Variants in SORCS1 observed in about 807,000 individuals in gnomAD.
SORCS1 encodes VPS10 domain-containing receptor SorCS1.
A neutral mutation model predicts 146.1 loss-of-function variants in SORCS1; 60 were observed. The ratio of observed to expected loss-of-function variants is 0.41; its 90% CI spans 0.33 to 0.51. SORCS1 has a LOEUF of 0.51. Ranked by LOEUF, SORCS1 falls within the 20% of genes least tolerant of loss-of-function variation. SORCS1 has a pLI of 0.21. For synonymous variants in SORCS1, 637 were observed against 584.0 expected (o/e 1.09, Z -1.31); for missense variants, 1,352 against 1,487.6 (o/e 0.91, Z 1.50).
intron 2 of SORCS1, among the ~76,000 whole-genome samples, chr10:106,935,017 C>T (rs1428135864): frequency 6.6e-6 from 1 of 151,978 alleles, no homozygotes; most frequent in South Asian, 2.1e-4. Flanking sequence ...CATCACTATA[C>T]AATTCATCCA....
intron 1 of SORCS1, among the ~76,000 whole-genome samples, chr10:107,161,035 G>A (rs1354662385): frequency 6.6e-6 from 1 of 152,082 alleles, no homozygotes; most frequent in African/African-American, 2.4e-5. Flanking sequence ...ACCAACTCTA[G>A]CAACAGTTTC....
chr10:106,794,327 T>C (rs1437487946), intron 3 of SORCS1, among the ~76,000 whole-genome samples: 1 of 152,068 alleles, frequency 6.6e-6, no homozygotes, highest in African/African-American at 2.4e-5. Flanking sequence ...CATTTCTTAT[T>C]GATGTAAGGG....
intron 1 of SORCS1, among the ~76,000 whole-genome samples, chr10:107,058,572 T>C (rs1194539185): frequency 6.6e-6 from 1 of 152,190 alleles, no homozygotes; most frequent in Non-Finnish European, 1.5e-5. Flanking sequence ...TCCCAGTGCA[T>C]AATGCCTGAG....
intron 6 of SORCS1, among the ~76,000 whole-genome samples, chr10:106,715,980 T>C (rs1011366024): frequency 1.3e-5 from 2 of 152,140 alleles, no homozygotes; most frequent in African/African-American, 4.8e-5. Flanking sequence ...CTCGAACTCC[T>C]GACCTCGTGA....
chr10:107,093,541 T>C (rs1289359049), intron 1 of SORCS1, among the ~76,000 whole-genome samples: 1 of 151,938 alleles, frequency 6.6e-6, no homozygotes, highest in African/African-American at 2.4e-5. Context: ...GGTATGGTGG[T>C]GTGTGCCCGT....
chr10:106,784,075 C>T (rs1945921583), intron 3 of SORCS1, among the ~76,000 whole-genome samples: 1 of 152,026 alleles, frequency 6.6e-6, no homozygotes, highest in South Asian at 2.1e-4. Context: ...TTCACTAATG[C>T]TTAGCATTGG....
chr10:106,761,784 C>T, intron 4 of SORCS1, 123 bp from the exon 5 acceptor site: 3 of 780,900 alleles, frequency 3.8e-6, no homozygotes, highest in South Asian at 3.2e-5. Context: ...CTGCCATATA[C>T]AAGGTGAGTG....
chr10:106,898,866 T>C (rs1359051089), intron 2 of SORCS1, among the ~76,000 whole-genome samples: 1 of 152,198 alleles, frequency 6.6e-6, no homozygotes. Flanking sequence ...CAAAGGCCCA[T>C]TTATTTATAT....
chr10:107,136,798 T>C (rs1214691440), intron 1 of SORCS1, among the ~76,000 whole-genome samples: 1 of 152,056 alleles, frequency 6.6e-6, no homozygotes, highest in Non-Finnish European at 1.5e-5. Flanking sequence ...ATCTCCGGTT[T>C]CACATTCGTA....
chr10:106,693,842 A>G (rs1853487042), intron 9 of SORCS1, among the ~76,000 whole-genome samples: 1 of 152,166 alleles, frequency 6.6e-6, no homozygotes, highest in Admixed American at 6.5e-5. Context: ...ACCTTTTGTA[A>G]GTTCCATGCA....
intron 2 of SORCS1, among the ~76,000 whole-genome samples, chr10:106,954,872 G>A (rs1954859335): frequency 6.6e-6 from 1 of 152,208 alleles, no homozygotes; most frequent in Non-Finnish European, 1.5e-5. Context: ...TCTCCACTGA[G>A]AGCTGTTCCG....
At chr10:107,065,507 C>CT (rs1309478806) in intron 1 of SORCS1, among the ~76,000 whole-genome samples, 613 of 43,510 alleles carry the variant, frequency 0.014, 23 homozygotes, top group African/African-American at 0.057. Flanking sequence ...CCTCTCCTCT[C>CT]CTCTCTTTCT....
intron 24 of SORCS1, among the ~76,000 whole-genome samples, chr10:106,596,954 C>T (rs1288347722): frequency 6.6e-6 from 1 of 152,076 alleles, no homozygotes; most frequent in Non-Finnish European, 1.5e-5. Flanking sequence ...CGGGTTCAAG[C>T]GATTCTCCTG....
At position 106,919,571 on chromosome 10, in the gene SORCS1, G is replaced by A. The variant is rs138031968; in HGVS notation, c.626+36942C>T. On this transcript the variant is annotated intron_variant, in intron 2 of 25. Transcript: ENST00000263054. ...ATTCTGATAGGTGTGTGTGTAACCCGCAATACCATAGAGCATGAAGTGAAA... is the reference window on the plus strand; with the variant it reads ...ATTCTGATAGGTGTGTGTGTAACCCACAATACCATAGAGCATGAAGTGAAA... 3.6e-4 allele frequency among the ~76,000 whole-genome samples: 55 copies of A among 152,252 alleles called. No homozygotes were observed. The East Asian group carries it at 7.9e-3, about 22-fold the overall frequency.
chr10:106,879,154 A>AAG (rs1308445639), intron 2 of SORCS1, among the ~76,000 whole-genome samples: 1 of 151,746 alleles, frequency 6.6e-6, no homozygotes, highest in Non-Finnish European at 1.5e-5. Context: ...CATCAAAAAA[A>AAG]AAAAAAAAAT....
intron 5 of SORCS1, among the ~76,000 whole-genome samples, chr10:106,751,276 C>T (rs1858215699): frequency 6.6e-6 from 1 of 152,034 alleles, no homozygotes; most frequent in South Asian, 2.1e-4. Context: ...AGATTCTCTG[C>T]CACTTCTCCC....
intron 16 of SORCS1, 133 bp downstream of exon 16, chr10:106,671,104 G>C: frequency 4.1e-6 from 5 of 1,206,794 alleles, no homozygotes; most frequent in Non-Finnish European, 5.8e-6. Flanking sequence ...AAACTATGAG[G>C]TAATTTTATA....
intron 4 of SORCS1, among the ~76,000 whole-genome samples, chr10:106,763,634 CA>C (rs1859321651): frequency 6.6e-6 from 1 of 152,164 alleles, no homozygotes; most frequent in South Asian, 2.1e-4. Flanking sequence ...CCTTCTTCAA[CA>C]CCAGTCTTGT....
At chr10:106,761,754 A>C (rs1589822801) in intron 4 of SORCS1, 93 bp from the exon 5 acceptor site, 4 of 1,086,114 alleles carry the variant, frequency 3.7e-6, no homozygotes. Flanking sequence ...TAATAATAAT[A>C]CCCAACATTT....
Sources: gnomAD v4.1 joint callset for allele counts (sites outside exome capture counted in the v4.1 genomes callset) on GRCh38, gnomAD v4.1.1 for gene constraint, MANE v1.5 for transcripts, NCBI Gene and HGNC (gene_info 2026-07-23, HGNC 2026-07-21) for gene names.